ATP8A1: variants seen among roughly 807,000 people sequenced by gnomAD.
ATP8A1 encodes the protein ATPase phospholipid transporting 8A1.
A neutral mutation model predicts 177.7 loss-of-function variants in ATP8A1; 90 were observed. The ratio of observed to expected loss-of-function variants is 0.51; its 90% CI spans 0.43 to 0.60. The LOEUF (loss-of-function observed/expected upper bound fraction) is 0.60. Ranked by LOEUF, ATP8A1 falls within the 20% of genes least tolerant of loss-of-function variation. ATP8A1 has a pLI of 0.00. For missense variants in ATP8A1, 1,072 were observed against 1,392.8 expected (o/e 0.77, Z 3.67); for synonymous variants, 493 against 485.9 (o/e 1.01, Z -0.19).
rs765758323 is a variant in ATP8A1 at position 42,446,680 on chromosome 4, T to C, written c.2897-36A>G. 3.2e-6 allele frequency: 5 copies of C among 1,568,366 alleles called. No individual in the cohort carries two copies. The East Asian group carries it at 9.0e-5, about 28-fold the overall frequency. On this transcript the variant is annotated intron_variant, in intron 30 of 36. Transcript: ENST00000381668. ...AGGAGAGGCCTATTAGAAAGGAAAA[T>C]GAGATTCTTTCAGAATCTTTTCAAA...
At position 42,412,637 on chromosome 4, in the gene ATP8A1, G is replaced by A. The variant is rs1186952489; in HGVS notation, c.*279C>T. On this transcript the variant is annotated 3_prime_UTR_variant, in exon 37 of 37. Coordinates refer to ENST00000381668, the MANE Select transcript of ATP8A1 (RefSeq NM_006095.2). ...GCATAAGAATACTGACTTATTCTCC[G>A]TTTAAGAAAGCCCTCTGGCAAGATA... 4 of 289,912 alleles carry A rather than the reference G, an allele frequency of 1.4e-5. No homozygotes were observed. The highest frequency in any genetic ancestry group is 2.2e-5 in the African/African-American group (1 of 45,460). 18.0% of individuals were successfully genotyped at this position (289,912 alleles called of 1,614,324 possible).
At chr4:42,468,428 T>TCAC in intron 25 of ATP8A1, among the ~76,000 whole-genome samples, 1 of 64,696 alleles carries the variant, frequency 1.5e-5, no homozygotes, top group East Asian at 3.9e-4. Flanking sequence ...TTATATATTT[T>TCAC]ATACACACAC....
intron 4 of ATP8A1, among the ~76,000 whole-genome samples, chr4:42,616,427 A>G (rs1293054640): frequency 6.6e-6 from 1 of 152,256 alleles, no homozygotes; most frequent in Non-Finnish European, 1.5e-5. Flanking sequence ...TTTTGCTTTA[A>G]TAACTCACTT....
chr4:42,471,897 G>C, intron 25 of ATP8A1: 1 of 636,982 alleles, frequency 1.6e-6, no homozygotes, highest in Non-Finnish European at 3.0e-6. Flanking sequence ...CTCTTCTGGA[G>C]CTGGAGATAA....
At chr4:42,462,766 G>A (rs1281016700) in intron 27 of ATP8A1, among the ~76,000 whole-genome samples, 1 of 152,172 alleles carries the variant, frequency 6.6e-6, no homozygotes, top group African/African-American at 2.4e-5. Context: ...CCTGATGCCA[G>A]CCTGTGAAGG....
chr4:42,490,713 A>G (rs1269576730), intron 24 of ATP8A1, among the ~76,000 whole-genome samples: 2 of 152,102 alleles, frequency 1.3e-5, no homozygotes, highest in Non-Finnish European at 2.9e-5. Context: ...CTTTAAGCCT[A>G]CCTAAAAGGT....
intron 1 of ATP8A1, among the ~76,000 whole-genome samples, chr4:42,629,920 T>G (rs1172844266): frequency 6.6e-6 from 1 of 152,210 alleles, no homozygotes; most frequent in Non-Finnish European, 1.5e-5. Flanking sequence ...ACTCTTTCCA[T>G]GTAAAGAGAA....
chr4:42,448,480 C>G (rs1302922747), intron 30 of ATP8A1, among the ~76,000 whole-genome samples: 1 of 147,508 alleles, frequency 6.8e-6, no homozygotes, highest in Non-Finnish European at 1.5e-5. Context: ...TCACCGCAAC[C>G]TCCACCTCCT....
intron 22 of ATP8A1, among the ~76,000 whole-genome samples, chr4:42,520,355 ATT>A (rs997137629): frequency 1.4e-5 from 2 of 148,044 alleles, no homozygotes; most frequent in African/African-American, 4.9e-5. Context: ...TCCAAACTGG[ATT>A]TTTTTTTTTT....
At chr4:42,490,867 G>C (rs1722676519) in intron 24 of ATP8A1, among the ~76,000 whole-genome samples, 1 of 152,122 alleles carries the variant, frequency 6.6e-6, no homozygotes, top group African/African-American at 2.4e-5. Context: ...ACTTATACAA[G>C]GTAGCATGAT....
chr4:42,511,622 A>T (rs1281157432), intron 22 of ATP8A1, among the ~76,000 whole-genome samples: 1 of 152,206 alleles, frequency 6.6e-6, no homozygotes, highest in Non-Finnish European at 1.5e-5. Flanking sequence ...ATGTATGCAG[A>T]ATTTTTAAAA....
chr4:42,527,046 A>G (rs1050208031), intron 20 of ATP8A1, among the ~76,000 whole-genome samples: 1 of 152,256 alleles, frequency 6.6e-6, no homozygotes, highest in East Asian at 1.9e-4. Context: ...ACCAAGGAAC[A>G]TAATGAAGCT....
At chr4:42,518,307 T>C (rs1303076900) in intron 22 of ATP8A1, among the ~76,000 whole-genome samples, 2 of 152,248 alleles carry the variant, frequency 1.3e-5, no homozygotes, top group South Asian at 2.1e-4. Flanking sequence ...AATGTGGCAA[T>C]GACATATCAA....
intron 1 of ATP8A1, among the ~76,000 whole-genome samples, chr4:42,638,863 C>A (rs1739650314): frequency 6.6e-6 from 1 of 152,120 alleles, no homozygotes; most frequent in South Asian, 2.1e-4. Flanking sequence ...GCATTAAGTT[C>A]ACCTCTAAAA....
intron 35 of ATP8A1, among the ~76,000 whole-genome samples, chr4:42,417,599 A>G (rs1280665880): frequency 2.0e-5 from 3 of 152,212 alleles, no homozygotes; most frequent in African/African-American, 7.2e-5. Flanking sequence ...ATACTAAAAA[A>G]TGTCAGTGTT....
chr4:42,618,695 T>G (rs1022676847), intron 4 of ATP8A1, among the ~76,000 whole-genome samples: 4 of 152,210 alleles, frequency 2.6e-5, no homozygotes, highest in Non-Finnish European at 5.9e-5. Flanking sequence ...ACCCCTTCCT[T>G]GCATGGAGCT....
intron 13 of ATP8A1, 81 bp from the exon 14 acceptor site, chr4:42,574,788 A>G (rs1434783787): frequency 1.7e-5 from 15 of 909,020 alleles, no homozygotes; most frequent in Non-Finnish European, 2.5e-5. Flanking sequence ...CATGCTTTTT[A>G]TTAACATTGC....
chr4:42,632,450 A>C (rs1738840839), intron 1 of ATP8A1, among the ~76,000 whole-genome samples: 1 of 152,192 alleles, frequency 6.6e-6, no homozygotes, highest in Non-Finnish European at 1.5e-5. Flanking sequence ...TGCATATTTT[A>C]AACCAGAGAC....
chr4:42,578,226 T>C (rs1397538558), intron 12 of ATP8A1, 34 bp downstream of exon 12: 1 of 1,533,942 alleles, frequency 6.5e-7, no homozygotes, highest in Non-Finnish European at 8.8e-7. Flanking sequence ...CAAAATTATT[T>C]TGTAGGGTGA....
Sources: allele counts gnomAD v4.1 joint callset (sites outside exome capture counted in the v4.1 genomes callset), GRCh38; gene constraint gnomAD v4.1.1; transcripts MANE v1.5; gene names NCBI Gene and HGNC (gene_info 2026-07-23, HGNC 2026-07-21).